Variants in GNAZ observed in about 807,000 individuals in gnomAD.
The protein encoded by GNAZ is guanine nucleotide-binding protein G(z) subunit alpha.
A neutral mutation model predicts 25.4 loss-of-function variants in GNAZ; 3 were observed. The observed-to-expected ratio is 0.12, with a 90% CI of 0.05 to 0.30. The LOEUF (loss-of-function observed/expected upper bound fraction) is 0.30, where lower values mean the gene tolerates loss of function less well. Among genes scored for constraint, GNAZ ranks in the 10% least tolerant of loss-of-function variants. The pLI, the probability that GNAZ is intolerant of heterozygous loss-of-function variation, is 1.00. For synonymous variants in GNAZ, 211 were observed against 205.7 expected (o/e 1.03, Z -0.22); for missense variants, 241 against 501.8 (o/e 0.48, Z 4.97).
At chr22:23,114,413 C>T (rs77529911) in intron 2 of GNAZ, among the ~76,000 whole-genome samples, 1,595 of 152,298 alleles carry the variant, frequency 0.01, 23 homozygotes, top group African/African-American at 0.035. Context: ...CCCAGCAATG[C>T]GGCTGCATCC....
chr22:23,117,426 G>A (rs1472467880), intron 2 of GNAZ, among the ~76,000 whole-genome samples: 4 of 152,220 alleles, frequency 2.6e-5, no homozygotes, highest in Admixed American at 6.5e-5. Flanking sequence ...AAGAAGTGTT[G>A]CTGGCTGAAT....
chr22:23,099,172 C>T (rs1320791077), intron 2 of GNAZ, among the ~76,000 whole-genome samples: 2 of 152,250 alleles, frequency 1.3e-5, no homozygotes, highest in East Asian at 1.9e-4. Flanking sequence ...CTGGCTTCTG[C>T]GTCAGCACGT....
chr22:23,084,117 G>A (rs147028458), intron 1 of GNAZ, among the ~76,000 whole-genome samples: 130 of 152,326 alleles, frequency 8.5e-4, no homozygotes, highest in African/African-American at 3.0e-3. Flanking sequence ...CCCATGTCCA[G>A]TGTCACTGGC....
chr22:23,122,862 C>G (rs1391077379), intron 2 of GNAZ, among the ~76,000 whole-genome samples: 1 of 152,222 alleles, frequency 6.6e-6, no homozygotes, highest in Non-Finnish European at 1.5e-5. Context: ...GGCAAGAGAA[C>G]ATCTTCCAAG....
At position 23,095,952 on chromosome 22, in the gene GNAZ, G is replaced by A. The variant is rs556083506; in HGVS notation, c.257G>A (p.Arg86Gln). 7 of 1,612,438 alleles carry A rather than the reference G, an allele frequency of 4.3e-6. No individual in the cohort carries two copies. Among genetic ancestry groups the A allele is most frequent in the East Asian group, 2.2e-5 (1 of 44,880 alleles). ...NAIDSLTRII[R>Q]ALAALRIDFH... Reference sequence around the variant, plus strand: ...ATCGACTCGCTGACCCGCATCATCCGGGCCCTGGCCGCCCTCAGGATCGAC... The same window carrying A: ...ATCGACTCGCTGACCCGCATCATCCAGGCCCTGGCCGCCCTCAGGATCGAC... Residue 86 changes from arginine (R) to glutamine (Q), a missense_variant, in exon 2 of 3, where the codon CGG becomes CAG. By Grantham distance (43) the Arg-to-Gln change is conservative. Transcript: ENST00000615612.
chr22:23,080,873 G>C (rs895512514), intron 1 of GNAZ, among the ~76,000 whole-genome samples: 4 of 152,250 alleles, frequency 2.6e-5, no homozygotes, highest in Admixed American at 6.5e-5. Flanking sequence ...ATTAATGGGT[G>C]CTCTCCCTTC....
intron 2 of GNAZ, among the ~76,000 whole-genome samples, chr22:23,110,887 A>T (rs1294430549): frequency 6.6e-6 from 1 of 152,182 alleles, no homozygotes; most frequent in Non-Finnish European, 1.5e-5. Flanking sequence ...GGGGCAACTC[A>T]GGCCTCCCTG....
chr22:23,107,248 C>T (rs1278285229), intron 2 of GNAZ, among the ~76,000 whole-genome samples: 1 of 152,184 alleles, frequency 6.6e-6, no homozygotes, highest in East Asian at 1.9e-4. Flanking sequence ...TCGGCTGGAA[C>T]ACACCCCTGC....
intron 1 of GNAZ, among the ~76,000 whole-genome samples, chr22:23,092,768 A>G (rs2069019585): frequency 6.6e-6 from 1 of 152,198 alleles, no homozygotes; most frequent in African/African-American, 2.4e-5. Flanking sequence ...ATCCCAAAGC[A>G]CAAATCACAC....
At chr22:23,116,724 T>C (rs1170369474) in intron 2 of GNAZ, among the ~76,000 whole-genome samples, 1 of 152,186 alleles carries the variant, frequency 6.6e-6, no homozygotes, top group Non-Finnish European at 1.5e-5. Context: ...GCCCAGGCGC[T>C]TGTCCCACAC....
chr22:23,092,194 T>C lies in GNAZ; in HGVS notation c.-449-3053T>C, dbSNP rs2068999197. Among the ~76,000 whole-genome samples the C allele has an allele frequency of 1.3e-5, 2 of 152,174 alleles. 1 individual carries two copies. The highest frequency in any genetic ancestry group is 2.9e-5 in the Non-Finnish European group (2 of 68,026). On this transcript the variant is annotated intron_variant, in intron 1 of 2. Transcript: ENST00000615612. ...TCCTGGGACTTGGGGAGTCCTAGCA[T>C]GTCCAGTAAAGCCCGGGTTAGACTC...
chr22:23,102,134 T>G (rs1014576271), intron 2 of GNAZ, among the ~76,000 whole-genome samples: 1 of 152,218 alleles, frequency 6.6e-6, no homozygotes, highest in Non-Finnish European at 1.5e-5. Context: ...CAAGTTCCCT[T>G]GCCTCATTGC....
At chr22:23,097,591 C>T (rs779977753) in intron 2 of GNAZ, among the ~76,000 whole-genome samples, 2 of 152,234 alleles carry the variant, frequency 1.3e-5, no homozygotes, top group East Asian at 1.9e-4. Flanking sequence ...CAGGTGTGTA[C>T]GCAGGCGGCT....
chr22:23,094,048 C>T (rs2069057210), intron 1 of GNAZ, among the ~76,000 whole-genome samples: 1 of 152,200 alleles, frequency 6.6e-6, no homozygotes. Context: ...AGATGCTGGT[C>T]ACACCCAGGA....
chr22:23,095,512 C>G lies in GNAZ; in HGVS notation c.-184C>G, dbSNP rs2069099194. On this transcript the variant is annotated 5_prime_UTR_variant, in exon 2 of 3. Coordinates refer to ENST00000615612, the MANE Select transcript of GNAZ (RefSeq NM_002073.4). The stretch of plus-strand genomic sequence containing the variant: ...CGGCCACCGCCCGCTGCACAGAGCG[C>G]CATGCCGGCTGGAGAAGAGGCGCTG... 1 of 648,346 alleles carries G rather than the reference C, an allele frequency of 1.5e-6. No individual in the cohort carries two copies. Among genetic ancestry groups the G allele is most frequent in the Non-Finnish European group, 2.6e-6 (1 of 381,440 alleles). The allele number at this position is 648,346 out of a possible 1,614,324, so 40.2% of individuals were successfully genotyped here. A position where few individuals can be genotyped will look rare whatever the true frequency, so the allele number is the denominator to read the frequency against.
At chr22:23,104,066 T>G (rs2069385760) in intron 2 of GNAZ, among the ~76,000 whole-genome samples, 1 of 145,066 alleles carries the variant, frequency 6.9e-6, no homozygotes. Context: ...AACGTGGGGG[T>G]GGTGATCTGA....
chr22:23,077,961 T>TCTG (rs1202817116), intron 1 of GNAZ, among the ~76,000 whole-genome samples: 1 of 152,186 alleles, frequency 6.6e-6, no homozygotes, highest in Non-Finnish European at 1.5e-5. Context: ...GGCTTGGCCC[T>TCTG]CATGCCTCCT....
intron 2 of GNAZ, among the ~76,000 whole-genome samples, chr22:23,113,928 C>G (rs923548398): frequency 6.6e-6 from 1 of 152,246 alleles, no homozygotes; most frequent in African/African-American, 2.4e-5. Context: ...TCAGCAGTGC[C>G]CCATGTCCCT....
At chr22:23,120,880 A>G (rs948276752) in intron 2 of GNAZ, among the ~76,000 whole-genome samples, 4 of 152,214 alleles carry the variant, frequency 2.6e-5, no homozygotes, top group African/African-American at 9.7e-5. Flanking sequence ...AATTAATAAT[A>G]CGTGCTAATG....
Sources: allele counts gnomAD v4.1 joint callset (sites outside exome capture counted in the v4.1 genomes callset), GRCh38; gene constraint gnomAD v4.1.1; transcripts MANE v1.5; gene names NCBI Gene and HGNC (gene_info 2026-07-23, HGNC 2026-07-21).